TAOK3: variants seen among roughly 807,000 people sequenced by gnomAD.
The protein encoded by TAOK3 is TAO kinase 3.
A neutral mutation model predicts 120.4 loss-of-function variants in TAOK3; 40 were observed. The observed-to-expected ratio is 0.33, with a 90% CI of 0.26 to 0.43. The LOEUF is 0.43. TAOK3 is among the 20% of genes least tolerant of loss of function. The pLI, the probability that TAOK3 is intolerant of heterozygous loss-of-function variation, is 1.00. For missense variants in TAOK3, 821 were observed against 1,112.1 expected (o/e 0.74, Z 3.72); for synonymous variants, 355 against 387.5 (o/e 0.92, Z 0.99).
At chr12:118,280,616 C>T (rs563484113) in intron 1 of TAOK3, among the ~76,000 whole-genome samples, 5 of 152,222 alleles carry the variant, frequency 3.3e-5, no homozygotes, top group East Asian at 1.9e-4. Flanking sequence ...TTTGAAGTCT[C>T]GTAACAGGTA....
intron 1 of TAOK3, among the ~76,000 whole-genome samples, chr12:118,283,315 T>C (rs2042159071): frequency 6.6e-6 from 1 of 152,220 alleles, no homozygotes; most frequent in Non-Finnish European, 1.5e-5. Context: ...CCAGTGAATG[T>C]TGCAAGTACT....
At chr12:118,223,040 A>G (rs1294966324) in intron 9 of TAOK3, among the ~76,000 whole-genome samples, 2 of 151,368 alleles carry the variant, frequency 1.3e-5, no homozygotes, top group African/African-American at 2.4e-5. Context: ...CTGAAAAGGT[A>G]TAAGGGTTCT....
intron 10 of TAOK3, among the ~76,000 whole-genome samples, chr12:118,213,353 A>G (rs1161406668): frequency 6.6e-6 from 1 of 152,182 alleles, no homozygotes; most frequent in African/African-American, 2.4e-5. Context: ...TTAATTACCA[A>G]TTGTTAATTC....
chr12:118,358,348 C>A lies in TAOK3; in HGVS notation c.-194+14300G>T, dbSNP rs187184714. 1.4e-3 allele frequency among the ~76,000 whole-genome samples: 210 copies of A among 152,060 alleles called. 3 individuals carry two copies. The highest frequency in any genetic ancestry group is 3.2e-4 in the Non-Finnish European group (22 of 67,956). On this transcript the variant is annotated intron_variant, in intron 1 of 20. Transcript: ENST00000392533. ...CAAAACAAAATAAATGTGACCAAACCCTCTGACTTTTCTGTCTCTAAATTT... is the reference window on the plus strand; with the variant it reads ...CAAAACAAAATAAATGTGACCAAACACTCTGACTTTTCTGTCTCTAAATTT...
chr12:118,284,546 G>A (rs1317683037), intron 1 of TAOK3, among the ~76,000 whole-genome samples: 1 of 152,206 alleles, frequency 6.6e-6, no homozygotes, highest in African/African-American at 2.4e-5. Flanking sequence ...GAAGAAACAA[G>A]TTTAATGGGA....
intron 6 of TAOK3, among the ~76,000 whole-genome samples, 182 bp from the exon 7 acceptor site, chr12:118,238,351 C>T: frequency 6.6e-6 from 1 of 152,098 alleles, no homozygotes; most frequent in East Asian, 1.9e-4. Context: ...AGTATATAAA[C>T]ACAAATGACC....
intron 14 of TAOK3, among the ~76,000 whole-genome samples, chr12:118,189,382 G>A (rs527835642): frequency 1.3e-5 from 2 of 152,008 alleles, no homozygotes; most frequent in East Asian, 1.9e-4. Context: ...GCACAGTGCC[G>A]TGCATACATA....
intron 17 of TAOK3, among the ~76,000 whole-genome samples, chr12:118,164,260 T>A (rs1271074214): frequency 6.7e-6 from 1 of 148,938 alleles, no homozygotes; most frequent in Non-Finnish European, 1.5e-5. Context: ...CCGGGAGGCG[T>A]AGCTTGCAGG....
intron 1 of TAOK3, among the ~76,000 whole-genome samples, chr12:118,268,448 C>T (rs2041553339): frequency 6.6e-6 from 1 of 152,174 alleles, no homozygotes; most frequent in Non-Finnish European, 1.5e-5. Flanking sequence ...CTGAGAATAT[C>T]CCACTCTTGT....
In TAOK3 at chr12:118,152,564, G is replaced by T. The variant is rs890022560; in HGVS notation, c.2353-155C>A. ...ATGCTCTGGGTACATTCAGAGTTGG[G>T]AATCAAAAACAGTCAAGTCTGCCCA... On this transcript the variant is annotated intron_variant, in intron 19 of 20. Transcript: ENST00000392533. 6 of 672,352 alleles carry T rather than the reference G, an allele frequency of 8.9e-6. No individual in the cohort carries two copies. In the Admixed American group the frequency reaches 1.5e-4, roughly 16 times the overall value. 41.6% of individuals were successfully genotyped at this position (672,352 alleles called of 1,614,324 possible).
chr12:118,241,490 C>G (rs1451571923), intron 5 of TAOK3, among the ~76,000 whole-genome samples: 1 of 152,158 alleles, frequency 6.6e-6, no homozygotes, highest in Non-Finnish European at 1.5e-5. Flanking sequence ...GAATATGTTT[C>G]TAGCTGCATT....
chr12:118,368,681 C>CT (rs901193068), intron 1 of TAOK3, among the ~76,000 whole-genome samples: 29 of 150,632 alleles, frequency 1.9e-4, no homozygotes, highest in Non-Finnish European at 3.7e-4. Flanking sequence ...TGGCGCACGC[C>CT]TGTAATCCCA....
intron 1 of TAOK3, among the ~76,000 whole-genome samples, chr12:118,272,475 G>A (rs775867213): frequency 6.6e-6 from 1 of 151,626 alleles, no homozygotes; most frequent in Non-Finnish European, 1.5e-5. Context: ...GTTTTTCTCT[G>A]GCAGCACTAT....
chr12:118,212,023 T>C (rs1362611751), intron 11 of TAOK3, among the ~76,000 whole-genome samples: 1 of 152,214 alleles, frequency 6.6e-6, no homozygotes, highest in Non-Finnish European at 1.5e-5. Flanking sequence ...TTGCTTCTCT[T>C]ACCATACTCC....
intron 1 of TAOK3, among the ~76,000 whole-genome samples, chr12:118,284,590 T>G (rs921647287): frequency 2.6e-5 from 4 of 152,150 alleles, no homozygotes; most frequent in Non-Finnish European, 2.9e-5. Context: ...TAAAACTGAA[T>G]TGAAGGTGAT....
intron 1 of TAOK3, among the ~76,000 whole-genome samples, chr12:118,308,785 C>T (rs2043146091): frequency 6.6e-6 from 1 of 151,676 alleles, no homozygotes; most frequent in South Asian, 2.1e-4. Context: ...CAAAAATTAG[C>T]CAGGCGTGGT....
At chr12:118,210,591 G>A (rs2038571282) in intron 11 of TAOK3, among the ~76,000 whole-genome samples, 1 of 152,046 alleles carries the variant, frequency 6.6e-6, no homozygotes, top group Non-Finnish European at 1.5e-5. Flanking sequence ...CTTCATGCAT[G>A]TATCTGCTTA....
Position 118,243,458 on chromosome 12 carries a change from G to C in TAOK3, c.251C>G (p.Thr84Ser). Residue 84 changes from threonine (T) to serine (S), a missense_variant, in exon 5 of 21, where the codon ACT becomes AGT. Thr to Ser is a moderately conservative substitution (Grantham distance 58). Transcript: ENST00000392533. The stretch of plus-strand genomic sequence containing the variant: ...CAAGTAACAGCCTTTGTACTCAATA[G>C]TATTAGGATGCTTCAATTGTCGTAA... ...KFLRQLKHPN[T>S]IEYKGCYLKE... 6.4e-7 allele frequency: 1 copy of C among 1,551,900 alleles called. No homozygotes were observed. The highest frequency in any genetic ancestry group is 8.6e-7 in the Non-Finnish European group (1 of 1,157,526).
intron 1 of TAOK3, among the ~76,000 whole-genome samples, chr12:118,354,981 T>A (rs759232067): frequency 2.0e-5 from 3 of 151,894 alleles, no homozygotes; most frequent in Non-Finnish European, 4.4e-5. Context: ...GTCCCTTGAG[T>A]CTAGGAGTTT....
Sources: gnomAD v4.1 joint callset for allele counts (sites outside exome capture counted in the v4.1 genomes callset) on GRCh38, gnomAD v4.1.1 for gene constraint, MANE v1.5 for transcripts, NCBI Gene and HGNC (gene_info 2026-07-23, HGNC 2026-07-21) for gene names.